The following CCSER1 variants were observed in gnomAD, a reference collection of about 807,000 sequenced individuals.
The protein encoded by CCSER1 is serine-rich coiled-coil domain-containing protein 1.
A neutral mutation model predicts 82.0 loss-of-function variants in CCSER1; 41 were observed. The observed-to-expected ratio is 0.50, with a 90% CI of 0.39 to 0.65. The LOEUF is 0.65. Ranked by LOEUF, CCSER1 falls within the 30% of genes least tolerant of loss-of-function variation. The probability of loss-of-function intolerance (pLI) is 0.00; values close to 1 mark genes in which losing one functional copy is unlikely to be tolerated. For missense variants in CCSER1, 1,119 were observed against 1,064.2 expected, an observed-to-expected ratio of 1.05 and a Z score of -0.72; for synonymous variants, 414 against 383.9, an observed-to-expected ratio of 1.08 and a Z score of -0.92.
intron 8 of CCSER1, among the ~76,000 whole-genome samples, chr4:90,920,414 T>G (rs1006009906): frequency 1.3e-5 from 2 of 151,982 alleles, no homozygotes; most frequent in African/African-American, 4.8e-5. Context: ...TTCCTCACAT[T>G]GTCCCTTTAA....
chr4:90,769,874 A>C lies in CCSER1; in HGVS notation c.2010+45883A>C, dbSNP rs1226001700. Among the ~76,000 whole-genome samples, 3 of 152,222 alleles carry C rather than the reference A, an allele frequency of 2.0e-5. No individual in the cohort carries two copies. In the East Asian group the frequency reaches 5.8e-4, roughly 29 times the overall value. On this transcript the variant is annotated intron_variant, in intron 7 of 10. Coordinates refer to ENST00000509176, the MANE Select transcript of CCSER1 (RefSeq NM_001145065.2). The stretch of plus-strand genomic sequence containing the variant: ...GGATGTTAATTAGAGGCCAATACGC[A>C]GAGTATAGTGATCCTCAATTATCCC...
chr4:91,584,252 A>T (rs1403041440), intron 10 of CCSER1, among the ~76,000 whole-genome samples: 4 of 151,412 alleles, frequency 2.6e-5, no homozygotes, highest in African/African-American at 9.7e-5. Flanking sequence ...CAGTCAGTAG[A>T]TTCTCAGTTT....
intron 10 of CCSER1, among the ~76,000 whole-genome samples, chr4:91,442,952 T>A (rs1474124248): frequency 2.6e-5 from 4 of 152,074 alleles, no homozygotes; most frequent in Non-Finnish European, 5.9e-5. Context: ...AGAATGGCAA[T>A]CATTAAAAAG....
intron 10 of CCSER1, among the ~76,000 whole-genome samples, chr4:91,203,006 AC>A (rs1271422418): frequency 6.6e-6 from 1 of 151,668 alleles, no homozygotes; most frequent in Non-Finnish European, 1.5e-5. Context: ...AGGGCAATGG[AC>A]CTTGAATTTG....
intron 5 of CCSER1, among the ~76,000 whole-genome samples, chr4:90,563,433 A>G (rs1241443446): frequency 2.0e-5 from 3 of 151,858 alleles, no homozygotes; most frequent in Admixed American, 1.3e-4. Context: ...CTTTTGACCA[A>G]CGTCTTCTCC....
intron 6 of CCSER1, among the ~76,000 whole-genome samples, chr4:90,716,771 GT>G (rs1383900864): frequency 6.9e-6 from 1 of 144,356 alleles, no homozygotes; most frequent in African/African-American, 2.4e-5. Context: ...ACTCTGTAAT[GT>G]TTGCACAGTG....
chr4:91,511,030 CTCTT>C lies in CCSER1; in HGVS notation c.2218-87537_2218-87534del, dbSNP rs548346017. On this transcript the variant is annotated intron_variant, in intron 10 of 10. Coordinates refer to ENST00000509176, the MANE Select transcript of CCSER1 (RefSeq NM_001145065.2). ...TATGGCGATAAAAAAGGGATCCAGC[CTCTT>C]TCTTCTGCATATGGTTGGTCAGTTA... Among the ~76,000 whole-genome samples, 10 of 152,142 alleles carry C rather than the reference CTCTT, an allele frequency of 6.6e-5. No individual in the cohort carries two copies. In the East Asian group the frequency reaches 1.9e-3, roughly 29 times the overall value.
chr4:90,615,391 C>T (rs1203871524), intron 5 of CCSER1, among the ~76,000 whole-genome samples: 1 of 152,132 alleles, frequency 6.6e-6, no homozygotes, highest in African/African-American at 2.4e-5. Context: ...GGGTAAAATA[C>T]ATTAAAAATC....
intron 8 of CCSER1, among the ~76,000 whole-genome samples, chr4:90,866,602 T>A (rs1765758928): frequency 6.6e-6 from 1 of 152,072 alleles, no homozygotes; most frequent in Non-Finnish European, 1.5e-5. Context: ...CATAAGAAAT[T>A]TTCTTGTGTG....
chr4:90,700,729 C>G (rs573529078), intron 6 of CCSER1, among the ~76,000 whole-genome samples: 1 of 152,338 alleles, frequency 6.6e-6, no homozygotes, highest in East Asian at 1.9e-4. Flanking sequence ...TTGCATTTCT[C>G]TGATGACCAG....
chr4:90,633,128 G>A (rs960725225), intron 6 of CCSER1, among the ~76,000 whole-genome samples: 20 of 151,894 alleles, frequency 1.3e-4, no homozygotes, highest in African/African-American at 4.4e-4. Flanking sequence ...CTTGTACCTT[G>A]TTATATCTTC....
At chr4:91,135,267 A>G (rs1204128823) in intron 10 of CCSER1, among the ~76,000 whole-genome samples, 1 of 152,142 alleles carries the variant, frequency 6.6e-6, no homozygotes, top group Non-Finnish European at 1.5e-5. Context: ...TCTAAACTGA[A>G]GGGCATTCTG....
At chr4:91,522,579 AG>A (rs1760541250) in intron 10 of CCSER1, among the ~76,000 whole-genome samples, 1 of 152,060 alleles carries the variant, frequency 6.6e-6, no homozygotes, top group African/African-American at 2.4e-5. Flanking sequence ...TCCTTGAAGA[AG>A]TCCTTCACAT....
At chr4:91,399,570 T>A (rs1485026970) in intron 10 of CCSER1, among the ~76,000 whole-genome samples, 1 of 151,992 alleles carries the variant, frequency 6.6e-6, no homozygotes, top group Non-Finnish European at 1.5e-5. Flanking sequence ...TTTCTTAGTT[T>A]CCTGCTCCCA....
intron 10 of CCSER1, among the ~76,000 whole-genome samples, chr4:91,301,287 T>G (rs2149238706): frequency 6.6e-6 from 1 of 151,928 alleles, no homozygotes; most frequent in South Asian, 2.1e-4. Context: ...TCTACTGAAA[T>G]AATAGAAAAT....
intron 10 of CCSER1, among the ~76,000 whole-genome samples, chr4:91,294,698 C>A (rs1222777774): frequency 1.3e-5 from 2 of 151,824 alleles, no homozygotes; most frequent in Non-Finnish European, 2.9e-5. Flanking sequence ...ATGGCTCTTC[C>A]TGTGTATACC....
Position 90,626,364 on chromosome 4 carries a change from C to T in CCSER1, c.1725-1661C>T, listed in dbSNP as rs903410342. Among the ~76,000 whole-genome samples the T allele has an allele frequency of 3.9e-5, 6 of 152,124 alleles. No individual in the cohort carries two copies. In the East Asian group the frequency reaches 5.8e-4, roughly 15 times the overall value. ...CTACTCTAATTTAATATATACCTAC[C>T]GTGACTTCTAATTTTTATACTTGAT... is the stretch of plus-strand genomic sequence containing the variant. On this transcript the variant is annotated intron_variant, in intron 5 of 10. Coordinates refer to ENST00000509176, the MANE Select transcript of CCSER1 (RefSeq NM_001145065.2).
chr4:90,642,386 C>T (rs1415351166), intron 6 of CCSER1: 2 of 152,248 alleles, frequency 1.3e-5, no homozygotes, highest in Admixed American at 6.5e-5. Context: ...AAAAGTGTTT[C>T]AGAATCTAGT....
intron 1 of CCSER1, among the ~76,000 whole-genome samples, chr4:90,292,859 C>T (rs1258218297): frequency 6.6e-6 from 1 of 151,888 alleles, no homozygotes. Flanking sequence ...ATTACTGACT[C>T]TACACACACA....
Sources: gnomAD v4.1 joint callset for allele counts (sites outside exome capture counted in the v4.1 genomes callset) on GRCh38, gnomAD v4.1.1 for gene constraint, MANE v1.5 for transcripts, NCBI Gene and HGNC (gene_info 2026-07-23, HGNC 2026-07-21) for gene names.